The following GPM6A variants were observed in gnomAD, a reference collection of about 807,000 sequenced individuals.
GPM6A encodes glycoprotein M6A, also known as neuronal membrane glycoprotein M6-a.
A neutral mutation model predicts 32.1 loss-of-function variants in GPM6A; 7 were observed. The ratio of observed to expected loss-of-function variants is 0.22; its 90% confidence interval spans 0.12 to 0.41. The LOEUF (loss-of-function observed/expected upper bound fraction) is 0.41. GPM6A is among the 10% of genes least tolerant of loss of function. The probability of loss-of-function intolerance (pLI) is 1.00; values close to 1 mark genes in which losing one functional copy is unlikely to be tolerated. For synonymous variants in GPM6A, 130 were observed against 123.4 expected, an observed-to-expected ratio of 1.05 and a Z score of -0.35; for missense variants, 235 against 347.2, an observed-to-expected ratio of 0.68 and a Z score of 2.57.
chr4:175,783,748 A>T (rs1168108218), intron 1 of GPM6A, among the ~76,000 whole-genome samples: 1 of 142,114 alleles, frequency 7.0e-6, no homozygotes, highest in African/African-American at 2.5e-5. Flanking sequence ...ATTATATCAC[A>T]ATATTTACAG....
At chr4:175,699,831 C>A (rs1455253815) in intron 2 of GPM6A, among the ~76,000 whole-genome samples, 1 of 152,070 alleles carries the variant, frequency 6.6e-6, no homozygotes, top group African/African-American at 2.4e-5. Flanking sequence ...TGTCCACCCA[C>A]CCCCCAAAAC....
chr4:175,973,845 T>A lies in GPM6A; in HGVS notation c.-23+28464A>T, dbSNP rs144275733. 5.0e-3 allele frequency among the ~76,000 whole-genome samples: 760 copies of A among 152,366 alleles called. 4 individuals carry two copies. The highest frequency in any genetic ancestry group is 0.017 in the Middle Eastern group (5 of 294). On this transcript the variant is annotated intron_variant, in intron 1 of 7. Transcript: ENST00000280187. ...TGTCTTATCCGCTTTTAATAAATTA[T>A]CATATGATGCTTTATGCTGACTTTT...
chr4:175,826,643 C>CA (rs1163595729), intron 1 of GPM6A, among the ~76,000 whole-genome samples: 1 of 152,110 alleles, frequency 6.6e-6, no homozygotes, highest in Non-Finnish European at 1.5e-5. Context: ...AATACAGAGA[C>CA]ATGCAATTTG....
chr4:175,815,253 G>A (rs943061330), upstream of GPM6A, among the ~76,000 whole-genome samples: 2 of 152,128 alleles, frequency 1.3e-5, no homozygotes, highest in Non-Finnish European at 2.9e-5. Context: ...GACCTCAGGT[G>A]ATCCACCCAC....
chr4:176,001,057 T>C (rs753423222), intron 1 of GPM6A, among the ~76,000 whole-genome samples: 14 of 152,180 alleles, frequency 9.2e-5, no homozygotes, highest in East Asian at 3.9e-4. Flanking sequence ...CTAACATTCA[T>C]AGGCAAAAAT....
At chr4:175,823,343 T>G (rs1735337447) in intron 1 of GPM6A, among the ~76,000 whole-genome samples, 1 of 152,250 alleles carries the variant, frequency 6.6e-6, no homozygotes, top group Admixed American at 6.5e-5. Context: ...GTGGATGATT[T>G]TTTTTGGCTC....
At chr4:175,660,333 G>A (rs867418274) in intron 3 of GPM6A, among the ~76,000 whole-genome samples, 20 of 151,946 alleles carry the variant, frequency 1.3e-4, no homozygotes, top group Middle Eastern at 3.4e-3. Flanking sequence ...TCAGTGAGCC[G>A]AGATTGTGCC....
At chr4:175,778,627 CAAAAAAA>C (rs34286041) in intron 1 of GPM6A, among the ~76,000 whole-genome samples, 17 of 75,210 alleles carry the variant, frequency 2.3e-4, no homozygotes, top group South Asian at 5.6e-4. Context: ...CTGTATCCAA[CAAAAAAA>C]AAAAAAAAAA....
intron 3 of GPM6A, among the ~76,000 whole-genome samples, chr4:175,653,679 C>T (rs1741926819): frequency 6.6e-6 from 1 of 152,058 alleles, no homozygotes; most frequent in Admixed American, 6.6e-5. Flanking sequence ...TGAACAAACA[C>T]TTATGAGGCA....
chr4:175,893,493 T>C (rs1346609663), intron 1 of GPM6A, among the ~76,000 whole-genome samples: 1 of 152,132 alleles, frequency 6.6e-6, no homozygotes, highest in Non-Finnish European at 1.5e-5. Flanking sequence ...TCTCCTGACC[T>C]TACTCTGATC....
At chr4:175,670,291 G>C (rs1286302874) in intron 3 of GPM6A, among the ~76,000 whole-genome samples, 1 of 152,146 alleles carries the variant, frequency 6.6e-6, no homozygotes. Context: ...TTCAGAAGAA[G>C]TATAGATAAA....
chr4:175,778,460 A>G (rs1733480655), intron 1 of GPM6A, among the ~76,000 whole-genome samples: 1 of 151,740 alleles, frequency 6.6e-6, no homozygotes, highest in African/African-American at 2.4e-5. Flanking sequence ...CCCCGTCTCT[A>G]CTAAAAATAC....
chr4:175,818,711 T>C (rs147882136), intron 1 of GPM6A, among the ~76,000 whole-genome samples: 21 of 152,366 alleles, frequency 1.4e-4, no homozygotes, highest in African/African-American at 5.1e-4. Context: ...CAAAATATTT[T>C]AGAGGGTGAA....
intron 3 of GPM6A, 49 bp from the exon 4 acceptor site, chr4:175,652,036 G>T (rs1251918460): frequency 6.8e-7 from 1 of 1,472,622 alleles, no homozygotes; most frequent in Non-Finnish European, 9.3e-7. Flanking sequence ...TACCAAAAAA[G>T]AAGAATTTTG....
intron 1 of GPM6A, among the ~76,000 whole-genome samples, chr4:175,757,161 G>A (rs1273774837): frequency 6.6e-6 from 1 of 152,030 alleles, no homozygotes; most frequent in Admixed American, 6.6e-5. Context: ...GTTATACAGG[G>A]GAGTGCTGCT....
intron 1 of GPM6A, among the ~76,000 whole-genome samples, chr4:175,831,048 T>C (rs553672861): frequency 1.3e-5 from 2 of 152,340 alleles, no homozygotes; most frequent in South Asian, 2.1e-4. Flanking sequence ...TTCCTTTTCA[T>C]TGGGACTAAT....
intron 3 of GPM6A, among the ~76,000 whole-genome samples, chr4:175,667,647 G>A (rs1398028336): frequency 6.6e-6 from 1 of 152,012 alleles, no homozygotes; most frequent in Non-Finnish European, 1.5e-5. Context: ...GGCAGACTAG[G>A]TTTGGTATAT....
intron 2 of GPM6A, among the ~76,000 whole-genome samples, chr4:175,694,009 C>T (rs927783653): frequency 4.6e-5 from 7 of 152,196 alleles, no homozygotes; most frequent in East Asian, 1.9e-4. Flanking sequence ...CTGCTCTGGC[C>T]GTGTAAGATA....
chr4:175,952,473 T>C (rs566734288), intron 1 of GPM6A, among the ~76,000 whole-genome samples: 19 of 152,248 alleles, frequency 1.2e-4, no homozygotes, highest in Admixed American at 3.9e-4. Context: ...CAGTTGCCCA[T>C]TGTAACAAGG....
Sources: allele counts gnomAD v4.1 joint callset (sites outside exome capture counted in the v4.1 genomes callset), GRCh38; gene constraint gnomAD v4.1.1; transcripts MANE v1.5; gene names NCBI Gene and HGNC (gene_info 2026-07-23, HGNC 2026-07-21).